KDM4D: variants seen among roughly 807,000 people sequenced by gnomAD.
The protein encoded by KDM4D is lysine demethylase 4D.
For missense variants in KDM4D, 427 were observed against 674.8 expected (o/e 0.63, Z 4.07); for synonymous variants, 254 against 249.1 (o/e 1.02, Z -0.19).
intron 2 of KDM4D, among the ~76,000 whole-genome samples, chr11:94,995,773 C>A (rs150800160): frequency 1.3e-5 from 2 of 152,272 alleles, no homozygotes; most frequent in African/African-American, 4.8e-5. Flanking sequence ...CCCTCAAGTT[C>A]TTATTTCCTT....
rs372591204 is a variant in KDM4D, at chr11:94,998,723, C to T, written c.1351C>T (p.Arg451Cys). ...GATTATCCACCCGTCAAATGGCAGA[C>T]GTGGTCGTGGTCGCCCTCCTCAGAA... ...AQIIHPSNGR[R>C]GRGRPPQKLR... The change falls in exon 3 of 3, where the codon CGT (arginine) becomes TGT (cysteine). Residue 451 changes from arginine (R) to cysteine (C), a missense_variant. Transcript: ENST00000335080. This position sits in a 1 kb window ranked among gnomAD's most constrained non-coding sequence, Gnocchi z 6.7. 3.3e-5 allele frequency: 54 copies of T among 1,614,028 alleles called. No individual in the cohort carries two copies. Among genetic ancestry groups the T allele is most frequent in the African/African-American group, 6.7e-5 (5 of 74,942 alleles).
intron 2 of KDM4D, among the ~76,000 whole-genome samples, chr11:94,984,075 T>C (rs1555097886): frequency 1.3e-5 from 2 of 152,172 alleles, no homozygotes. Flanking sequence ...AAAATATATT[T>C]TTATAACAGA....
At chr11:94,993,289 T>C (rs1407050026) in intron 2 of KDM4D, among the ~76,000 whole-genome samples, 1 of 152,182 alleles carries the variant, frequency 6.6e-6, no homozygotes, top group Non-Finnish European at 1.5e-5. Flanking sequence ...TGTCAAGTTT[T>C]CTTAGATGAC....
At chr11:94,976,632 A>G (rs1555097015) in intron 2 of KDM4D, among the ~76,000 whole-genome samples, 1 of 152,158 alleles carries the variant, frequency 6.6e-6, no homozygotes, top group African/African-American at 2.4e-5. Context: ...GACATGGTAT[A>G]GTATATCTTA....
At chr11:94,976,052 C>T (rs1422303800) in intron 2 of KDM4D, among the ~76,000 whole-genome samples, 1 of 152,084 alleles carries the variant, frequency 6.6e-6, no homozygotes, top group Non-Finnish European at 1.5e-5. Flanking sequence ...GAAAATGAAA[C>T]TAAAGCTTTT....
In KDM4D at chr11:94,997,032, C is replaced by T. The variant is rs1857980505; in HGVS notation, c.-341C>T. Reference sequence around the variant, plus strand: ...TGTATTCTTTCTTTTAGATTTTGTTCTAAACACTGAGGACATTCTCTGCTA... The same window carrying T: ...TGTATTCTTTCTTTTAGATTTTGTTTTAAACACTGAGGACATTCTCTGCTA... On this transcript the variant is annotated 5_prime_UTR_variant, in exon 3 of 3. Transcript: ENST00000335080. The T allele has an allele frequency of 5.5e-6, 1 of 181,226 alleles. No individual in the cohort carries two copies. The highest frequency in any genetic ancestry group is 1.9e-4 in the South Asian group (1 of 5,164). The allele number at this position is 181,226 out of a possible 1,614,324, so 11.2% of individuals were successfully genotyped here.
At chr11:94,978,120 C>A (rs1857813248) in intron 2 of KDM4D, among the ~76,000 whole-genome samples, 1 of 152,054 alleles carries the variant, frequency 6.6e-6, no homozygotes, top group South Asian at 2.1e-4. Context: ...TTTATATGTA[C>A]CATCAAAATC....
chr11:94,987,114 G>A (rs1220288590), intron 2 of KDM4D, among the ~76,000 whole-genome samples: 1 of 152,184 alleles, frequency 6.6e-6, no homozygotes, highest in Non-Finnish European at 1.5e-5. Context: ...GGGCAAATCT[G>A]TAGAGATAGA....
At chr11:94,987,157 G>A (rs1857894811) in intron 2 of KDM4D, among the ~76,000 whole-genome samples, 1 of 152,118 alleles carries the variant, frequency 6.6e-6, no homozygotes, top group Non-Finnish European at 1.5e-5. Context: ...AGTTGGGGGT[G>A]GAAATGAGCT....
chr11:94,994,946 A>C (rs1857964402), intron 2 of KDM4D, among the ~76,000 whole-genome samples: 1 of 152,204 alleles, frequency 6.6e-6, no homozygotes, highest in Admixed American at 6.5e-5. Context: ...TGTTGATTTA[A>C]GGAGTTCAAA....
chr11:94,995,481 A>G (rs1555099113), intron 2 of KDM4D, among the ~76,000 whole-genome samples: 1 of 152,246 alleles, frequency 6.6e-6, no homozygotes, highest in African/African-American at 2.4e-5. Context: ...GAAGATGAAC[A>G]GTCAAGTTCA....
At chr11:94,993,352 A>G (rs1001099370) in intron 2 of KDM4D, among the ~76,000 whole-genome samples, 3 of 152,168 alleles carry the variant, frequency 2.0e-5, no homozygotes, top group Admixed American at 1.3e-4. Context: ...GAAGAGTATC[A>G]AGTGACAGTG....
intron 2 of KDM4D, among the ~76,000 whole-genome samples, chr11:94,994,179 A>T (rs782652481): frequency 1.7e-4 from 26 of 152,184 alleles, no homozygotes; most frequent in Non-Finnish European, 3.4e-4. Context: ...CACTGACCAT[A>T]TGTCTGGGAA....
At chr11:94,978,816 C>T (rs781934155) in intron 2 of KDM4D, among the ~76,000 whole-genome samples, 3 of 152,130 alleles carry the variant, frequency 2.0e-5, no homozygotes, top group Non-Finnish European at 4.4e-5. Flanking sequence ...GGTTGAATAA[C>T]ATTAATAGGG....
At chr11:94,978,805 A>G (rs990452830) in intron 2 of KDM4D, among the ~76,000 whole-genome samples, 4 of 152,262 alleles carry the variant, frequency 2.6e-5, no homozygotes, top group Admixed American at 6.5e-5. Context: ...AAGTATTCTT[A>G]GGTTGAATAA....
intron 2 of KDM4D, among the ~76,000 whole-genome samples, chr11:94,977,858 C>A (rs1043414656): frequency 1.3e-5 from 2 of 152,098 alleles, no homozygotes; most frequent in Non-Finnish European, 1.5e-5. Context: ...ACCCAATAAA[C>A]AGTTTCCATA....
At chr11:94,975,630 T>C (rs1555096906) in intron 1 of KDM4D, 24 bp from the exon 2 acceptor site, 1 of 151,882 alleles carries the variant, frequency 6.6e-6, no homozygotes, top group African/African-American at 2.4e-5. Flanking sequence ...ATTTTTATTA[T>C]TATTGTCTAT....
intron 2 of KDM4D, among the ~76,000 whole-genome samples, chr11:94,987,275 TGTACAC>T (rs1555098216): frequency 1.1e-4 from 17 of 152,340 alleles, no homozygotes; most frequent in African/African-American, 3.8e-4. Flanking sequence ...ATCATTGAAG[TGTACAC>T]TTAAAATTGA....
Position 94,999,359 on chromosome 11 carries a change from C to T in KDM4D, c.*415C>T, listed in dbSNP as rs1555099728. On this transcript the variant is annotated 3_prime_UTR_variant, in exon 3 of 3. Coordinates refer to ENST00000335080, the MANE Select transcript of KDM4D (RefSeq NM_018039.3). Reference sequence around the variant, plus strand: ...TACGCATTTCTCTCTTCCCCTCCCTCACCCCCTTTTTCTTATAAAACTAGG... The same window carrying T: ...TACGCATTTCTCTCTTCCCCTCCCTTACCCCCTTTTTCTTATAAAACTAGG... The T allele has an allele frequency of 5.9e-6, 1 of 170,536 alleles. No homozygotes were observed. The highest frequency in any genetic ancestry group is 2.4e-5 in the African/African-American group (1 of 41,584). 10.6% of individuals were successfully genotyped at this position (170,536 alleles called of 1,614,324 possible). A position where few individuals can be genotyped will look rare whatever the true frequency, so the allele number is the denominator to read the frequency against.
Sources: gnomAD v4.1 joint callset for allele counts (sites outside exome capture counted in the v4.1 genomes callset) on GRCh38, gnomAD v4.1.1 for gene constraint, Gnocchi (gnomAD v3.1) non-coding constraint, MANE v1.5 for transcripts, NCBI Gene and HGNC (gene_info 2026-07-23, HGNC 2026-07-21) for gene names.